Variants in EEFSEC observed in about 807,000 individuals in gnomAD.
The protein encoded by EEFSEC is selenocysteine-specific elongation factor.
In EEFSEC, 43 loss-of-function variants were observed where a neutral mutation model predicts 42.1. That is an observed-to-expected ratio of 1.02 (90% CI 0.80 to 1.32). The LOEUF (loss-of-function observed/expected upper bound fraction) is 1.32. Among genes scored for constraint, EEFSEC ranks in the 40% most tolerant of loss-of-function variants. The pLI, the probability that EEFSEC is intolerant of heterozygous loss-of-function variation, is 0.00. For missense variants in EEFSEC, 745 were observed against 803.6 expected, an observed-to-expected ratio of 0.93 and a Z score of 0.88; for synonymous variants, 354 against 339.1, an observed-to-expected ratio of 1.04 and a Z score of -0.48.
At chr3:128,214,459 TTA>T (rs2065789523) in intron 1 of EEFSEC, among the ~76,000 whole-genome samples, 1 of 152,230 alleles carries the variant, frequency 6.6e-6, no homozygotes, top group African/African-American at 2.4e-5. Flanking sequence ...TAATTTTGTA[TTA>T]TAATTTGATA....
At chr3:128,247,641 C>G (rs2066141773) in intron 2 of EEFSEC, among the ~76,000 whole-genome samples, 1 of 152,142 alleles carries the variant, frequency 6.6e-6, no homozygotes. Context: ...CATCTTCTGC[C>G]AAGGAGTTTA....
intron 6 of EEFSEC, among the ~76,000 whole-genome samples, chr3:128,392,472 G>T (rs1204277706): frequency 6.6e-6 from 1 of 152,198 alleles, no homozygotes; most frequent in Admixed American, 6.5e-5. Flanking sequence ...GGGGACCCAG[G>T]GTACCTCAGC....
intron 1 of EEFSEC, among the ~76,000 whole-genome samples, chr3:128,230,399 CCCT>C (rs1193823422): frequency 3.9e-5 from 6 of 152,230 alleles, no homozygotes; most frequent in African/African-American, 1.2e-4. Flanking sequence ...AAGCCATCCT[CCCT>C]CCTCAGCCTC....
intron 2 of EEFSEC, among the ~76,000 whole-genome samples, chr3:128,250,911 G>GTT (rs35594175): frequency 0.039 from 4,210 of 108,542 alleles, 209 homozygotes; most frequent in South Asian, 0.096. Context: ...GTTTTTTTTG[G>GTT]TTTTTTTTTT....
rs551530300 is a variant in EEFSEC, at chr3:128,184,192, T to G, written c.316+30369T>G. Among the ~76,000 whole-genome samples, 6 of 152,360 alleles carry G rather than the reference T, an allele frequency of 3.9e-5. No homozygotes were observed. The South Asian group carries it at 6.2e-4, about 16-fold the overall frequency. On this transcript the variant is annotated intron_variant, in intron 1 of 6. Coordinates refer to ENST00000254730, the MANE Select transcript of EEFSEC (RefSeq NM_021937.5). ...AAAAATTGTGATAACATATTCATAA[T>G]ATAAGATTTACCTTTTTGACTATAT...
intron 4 of EEFSEC, among the ~76,000 whole-genome samples, chr3:128,338,916 G>A (rs976651692): frequency 3.9e-5 from 6 of 152,178 alleles, no homozygotes; most frequent in Admixed American, 1.3e-4. Context: ...AAGCCATGAG[G>A]TAGACGATGG....
chr3:128,419,533 G>A, the EEFSEC span, among the ~76,000 whole-genome samples: 1 of 152,200 alleles, frequency 6.6e-6, no homozygotes, highest in Non-Finnish European at 1.5e-5. Context: ...GCTTCAAACT[G>A]ACCACCAGGA....
chr3:128,174,595 C>G (rs911055998), intron 1 of EEFSEC, among the ~76,000 whole-genome samples: 14 of 152,224 alleles, frequency 9.2e-5, no homozygotes, highest in African/African-American at 3.4e-4. Context: ...AAATTGGAAT[C>G]TTGGCCCTTC....
intron 4 of EEFSEC, among the ~76,000 whole-genome samples, chr3:128,335,679 TC>T (rs1269323338): frequency 6.6e-6 from 1 of 152,140 alleles, no homozygotes; most frequent in East Asian, 1.9e-4. Context: ...ATCTGTGTTT[TC>T]CCAAGAACAG....
At chr3:128,336,371 A>G (rs776679276) in intron 4 of EEFSEC, among the ~76,000 whole-genome samples, 4 of 151,962 alleles carry the variant, frequency 2.6e-5, no homozygotes, top group Admixed American at 6.5e-5. Context: ...CCCTGAATCT[A>G]TTCCCCAAAC....
At chr3:128,163,899 C>G (rs1412684845) in intron 1 of EEFSEC, among the ~76,000 whole-genome samples, 1 of 147,958 alleles carries the variant, frequency 6.8e-6, no homozygotes, top group African/African-American at 2.5e-5. Flanking sequence ...CCTCCCAAAG[C>G]GAGCATATGC....
chr3:128,307,765 T>G (rs762965067), intron 4 of EEFSEC, among the ~76,000 whole-genome samples: 7 of 152,230 alleles, frequency 4.6e-5, no homozygotes, highest in Non-Finnish European at 8.8e-5. Flanking sequence ...TGCAATACTT[T>G]CACCTGTGTG....
In EEFSEC at chr3:128,247,338, T is replaced by C. The variant is rs540720094; in HGVS notation, c.524+295T>C. 2.6e-5 allele frequency among the ~76,000 whole-genome samples: 4 copies of C among 152,354 alleles called. No homozygotes were observed. The South Asian group carries it at 8.3e-4, about 32-fold the overall frequency. ...AGGAGCACAGGGACTCTGTGCCCAG[T>C]GTGCAAGGCCTGGACTGGCAAGGGT... On this transcript the variant is annotated intron_variant, in intron 2 of 6. Coordinates refer to ENST00000254730, the MANE Select transcript of EEFSEC (RefSeq NM_021937.5).
intron 4 of EEFSEC, among the ~76,000 whole-genome samples, chr3:128,272,576 G>A (rs1471460182): frequency 1.3e-5 from 2 of 152,190 alleles, no homozygotes; most frequent in African/African-American, 4.8e-5. Flanking sequence ...CGTGTATTGT[G>A]AGAGCTCTGT....
At chr3:128,279,842 C>T (rs2066507381) in intron 4 of EEFSEC, among the ~76,000 whole-genome samples, 1 of 152,240 alleles carries the variant, frequency 6.6e-6, no homozygotes, top group South Asian at 2.1e-4. Flanking sequence ...GCCTATTCAA[C>T]ATGCAGTTGC....
chr3:128,286,052 T>G (rs961484745), intron 4 of EEFSEC, among the ~76,000 whole-genome samples: 2 of 152,258 alleles, frequency 1.3e-5, no homozygotes, highest in East Asian at 3.8e-4. Flanking sequence ...GTCTTGTAGA[T>G]AAATGGTGAC....
chr3:128,379,075 G>A (rs2293946), intron 6 of EEFSEC, among the ~76,000 whole-genome samples: 1 of 152,192 alleles, frequency 6.6e-6, no homozygotes, highest in African/African-American at 2.4e-5. Context: ...GTCTTAGCCC[G>A]CCACTGCCCT....
rs975156289 is a variant in EEFSEC at position 128,330,247 on chromosome 3, G to T, written c.787-10986G>T. ...TTTTCCATTGTTGCAGTGACTGGGA[G>T]GTTAATCACGAGGGTTTGTTTGTAA... On this transcript the variant is annotated intron_variant, in intron 4 of 6. Transcript: ENST00000254730. Among the ~76,000 whole-genome samples the T allele has an allele frequency of 2.6e-5, 4 of 152,322 alleles. No individual in the cohort carries two copies. In the South Asian group the frequency reaches 8.3e-4, roughly 32 times the overall value.
chr3:128,391,912 A>G (rs563373587), intron 6 of EEFSEC, among the ~76,000 whole-genome samples: 3 of 152,266 alleles, frequency 2.0e-5, no homozygotes, highest in African/African-American at 7.2e-5. Flanking sequence ...GCCCAGCACC[A>G]TGGATGCCCT....
Sources: gnomAD v4.1 joint callset for allele counts (sites outside exome capture counted in the v4.1 genomes callset) on GRCh38, gnomAD v4.1.1 for gene constraint, MANE v1.5 for transcripts, NCBI Gene and HGNC (gene_info 2026-07-23, HGNC 2026-07-21) for gene names.